The following DNAH11 variants were observed in gnomAD, a reference collection of about 807,000 sequenced individuals.
DNAH11 encodes the protein dynein axonemal heavy chain 11, also known as axonemal beta dynein heavy chain 11.
Under a neutral mutation model 526.0 loss-of-function variants are expected in DNAH11, and 442 were observed. That is an observed-to-expected ratio of 0.84 (90% CI 0.78 to 0.91). The LOEUF (loss-of-function observed/expected upper bound fraction) is 0.91. DNAH11 is among the 40% of genes least tolerant of loss of function. The pLI, the probability that DNAH11 is intolerant of heterozygous loss-of-function variation, is 0.00. For missense variants in DNAH11, 6,989 were observed against 5,448.7 expected, an observed-to-expected ratio of 1.28 and a Z score of -8.90; for synonymous variants, 2,461 against 1,935.9, an observed-to-expected ratio of 1.27 and a Z score of -7.12.
chr7:21,664,954 C>G (rs1346804055), intron 30 of DNAH11, among the ~76,000 whole-genome samples: 2 of 152,090 alleles, frequency 1.3e-5, no homozygotes, highest in Non-Finnish European at 2.9e-5. Flanking sequence ...AACCTCAGCT[C>G]CAGATGTTTG....
At chr7:21,775,103 C>A (rs1476537) in intron 56 of DNAH11, among the ~76,000 whole-genome samples, 50,145 of 151,898 alleles carry the variant, frequency 0.33, 9,331 homozygotes, top group African/African-American at 0.46. Flanking sequence ...GCCAAAGCAC[C>A]ACTTGCCTCT....
rs1784449205 is a variant in DNAH11 at position 21,894,804 on chromosome 7, A to C, written c.12932A>C (p.Lys4311Thr). The C allele has an allele frequency of 6.2e-7, 1 of 1,608,626 alleles. No homozygotes were observed. The highest frequency in any genetic ancestry group is 8.5e-7 in the Non-Finnish European group (1 of 1,176,756). Reference protein sequence around the residue: ...ISLEQLDLSLKGELALSPAVE... With the variant: ...ISLEQLDLSLTGELALSPAVE... ...CTTGAACAACTGGACCTTAGTTTGA[A>C]GGTAAGCTTAAAGTGAGGCTATAGT... The change falls in exon 78 of 82, where the codon AAG (lysine) becomes ACG (threonine). Residue 4311 changes from lysine to threonine, a missense_variant and splice_region_variant. Transcript: ENST00000409508.
chr7:21,568,681 A>G (rs1197636494), intron 6 of DNAH11, among the ~76,000 whole-genome samples: 3 of 152,216 alleles, frequency 2.0e-5, no homozygotes, highest in Non-Finnish European at 4.4e-5. Flanking sequence ...CAGGAAGCAC[A>G]GGAATAAACA....
Position 21,658,935 on chromosome 7 carries a change from C to T in DNAH11, c.5232C>T (p.Thr1744=), listed in dbSNP as rs1782131771. The T allele has an allele frequency of 1.2e-6, 2 of 1,610,774 alleles. No individual in the cohort carries two copies. The highest frequency in any genetic ancestry group is 1.3e-5 in the African/African-American group (1 of 74,902). ...ATTTCCCAGCTCAGGTTGCACTAAC[C>T]AGCTCACAAATATGGTGGACCACAG... is the stretch of plus-strand genomic sequence containing the variant. The part of the protein sequence containing the change: ...IFDFPAQVAL[T]SSQIWWTTDV... The change falls in exon 30 of 82, where the codon ACC becomes ACT. Residue 1744 remains threonine, a synonymous_variant. Transcript: ENST00000409508.
chr7:21,878,306 C>T (rs981534481), intron 74 of DNAH11, among the ~76,000 whole-genome samples: 10 of 152,110 alleles, frequency 6.6e-5, no homozygotes, highest in Admixed American at 3.9e-4. Context: ...AAAGCCAAGT[C>T]ATTTATATAA....
At chr7:21,676,694 C>A (rs1385386014) in intron 30 of DNAH11, among the ~76,000 whole-genome samples, 1 of 152,120 alleles carries the variant, frequency 6.6e-6, no homozygotes, top group Non-Finnish European at 1.5e-5. Context: ...CAAGACAATG[C>A]GTGTGAATGC....
At position 21,900,111 on chromosome 7, in the gene DNAH11, T is replaced by A; in HGVS notation, c.13294T>A (p.Phe4432Ile). ...PREGAYLHGL[F>I]MEGARWDTQA... ...GGAAGGTGCATACCTCCACGGACTC[T>A]TCATGGAGGGTAAGACACCCCAAGG... Residue 4432 changes from phenylalanine to isoleucine, a missense_variant, in exon 81 of 82, where the codon TTC becomes ATC. Phe to Ile is a conservative substitution (Grantham distance 21). Transcript: ENST00000409508. 3.1e-6 allele frequency: 5 copies of A among 1,612,718 alleles called. No homozygotes were observed. The highest frequency in any genetic ancestry group is 4.2e-6 in the Non-Finnish European group (5 of 1,179,254).
intron 65 of DNAH11, among the ~76,000 whole-genome samples, chr7:21,827,067 C>T (rs1297047892): frequency 6.6e-6 from 1 of 152,294 alleles, no homozygotes; most frequent in African/African-American, 2.4e-5. Flanking sequence ...TACATCAGCC[C>T]AGACTTTAAT....
At chr7:21,784,349 G>T in intron 57 of DNAH11, 78 bp from the exon 58 acceptor site, 1 of 1,076,760 alleles carries the variant, frequency 9.3e-7, no homozygotes, top group Non-Finnish European at 1.4e-6. Flanking sequence ...CAGTGCATCT[G>T]AGTCAACCTC....
chr7:21,748,415 G>C (rs1786249780), intron 51 of DNAH11, among the ~76,000 whole-genome samples, 165 bp from the exon 52 acceptor site: 1 of 152,192 alleles, frequency 6.6e-6, no homozygotes, highest in African/African-American at 2.4e-5. Flanking sequence ...TCTGAATCCG[G>C]GAGGCGGAGG....
chr7:21,585,491 A>G (rs778278259), intron 9 of DNAH11, among the ~76,000 whole-genome samples: 14 of 152,226 alleles, frequency 9.2e-5, no homozygotes, highest in Non-Finnish European at 1.5e-4. Flanking sequence ...TGTCACAGAC[A>G]TGGCCAGGAA....
At chr7:21,645,929 CA>C (rs921128587) in intron 28 of DNAH11, among the ~76,000 whole-genome samples, 5 of 151,834 alleles carry the variant, frequency 3.3e-5, no homozygotes, top group Non-Finnish European at 7.4e-5. Flanking sequence ...TAACTATAAA[CA>C]AAAAAATGGA....
At chr7:21,899,214 C>A in intron 79 of DNAH11, 122 bp from the exon 80 acceptor site, 1 of 744,084 alleles carries the variant, frequency 1.3e-6, no homozygotes. Flanking sequence ...AGGATTTTAC[C>A]AGCTAGCAGT....
rs560053129 is a variant in DNAH11, at chr7:21,773,732, G to T, written c.9103-34G>T. ...TTAAGTTGTATTTTTAATTTGAGAG[G>T]ATTTCACATGAACTGTAATGTTTGT... is the stretch of plus-strand genomic sequence containing the variant. On this transcript the variant is annotated intron_variant, in intron 55 of 81. Coordinates refer to ENST00000409508, the MANE Select transcript of DNAH11 (RefSeq NM_001277115.2). The T allele has an allele frequency of 2.9e-4, 376 of 1,300,170 alleles. 1 individual carries two copies. The highest frequency in any genetic ancestry group is 3.5e-4 in the Non-Finnish European group (341 of 981,554). 80.5% of individuals were successfully genotyped at this position (1,300,170 alleles called of 1,614,324 possible).
intron 25 of DNAH11, 59 bp downstream of exon 25, chr7:21,620,137 TGTATA>T (rs1785975423): frequency 7.5e-7 from 1 of 1,335,470 alleles, no homozygotes; most frequent in African/African-American, 1.5e-5. Context: ...GACAAATAAT[TGTATA>T]TATAGGGTAC....
chr7:21,861,817 G>A lies in DNAH11; in HGVS notation c.11203-36G>A, dbSNP rs72658804. The A allele has an allele frequency of 2.1e-3, 3,333 of 1,608,598 alleles. 57 individuals carry two copies. The African/African-American group carries it at 0.041, about 20-fold the overall frequency. ...GGGGTAGCTAGACATCCAGGCACCAGTTGTCACATTTTAATGGTCACATTA... is the reference window on the plus strand; with the variant it reads ...GGGGTAGCTAGACATCCAGGCACCAATTGTCACATTTTAATGGTCACATTA... On this transcript the variant is annotated intron_variant, in intron 68 of 81. Transcript: ENST00000409508.
chr7:21,772,596 T>G (rs1296544296), intron 55 of DNAH11, among the ~76,000 whole-genome samples: 3 of 152,200 alleles, frequency 2.0e-5, no homozygotes, highest in East Asian at 3.8e-4. Flanking sequence ...GTTCACTGTT[T>G]GGAAATATAT....
chr7:21,658,651 G>C (rs367735275), intron 29 of DNAH11, 147 bp from the exon 30 acceptor site: 1 of 579,090 alleles, frequency 1.7e-6, no homozygotes, highest in East Asian at 2.9e-5. Context: ...TTTCCCCTTT[G>C]AGTTATGCCT....
chr7:21,850,328 C>G lies in DNAH11; in HGVS notation c.10897-2139C>G, dbSNP rs530568914. 4.1e-5 allele frequency among the ~76,000 whole-genome samples: 6 copies of G among 147,458 alleles called. No individual in the cohort carries two copies. The East Asian group carries it at 1.2e-3, about 29-fold the overall frequency. On this transcript the variant is annotated intron_variant, in intron 66 of 81. Transcript: ENST00000409508. ...CCGAGATGGCGCCACAGCGCTCCAG[C>G]CTGGGCGACAGAGGAGACTCTGTCT...
Sources: gnomAD v4.1 joint callset for allele counts (sites outside exome capture counted in the v4.1 genomes callset) on GRCh38, gnomAD v4.1.1 for gene constraint, MANE v1.5 for transcripts, NCBI Gene and HGNC (gene_info 2026-07-23, HGNC 2026-07-21) for gene names.